The following LDB2 variants were observed in gnomAD, a reference collection of about 807,000 sequenced individuals.
LDB2 encodes LIM domain binding 2, also known as LIM domain-binding protein 2.
A neutral mutation model predicts 44.3 loss-of-function variants in LDB2; 12 were observed. The ratio of observed to expected loss-of-function variants is 0.27; its 90% CI spans 0.17 to 0.44. The LOEUF (loss-of-function observed/expected upper bound fraction) is 0.44. Ranked by LOEUF, LDB2 falls within the 20% of genes least tolerant of loss-of-function variation. LDB2 has a pLI of 1.00. For missense variants in LDB2, 344 were observed against 473.5 expected (o/e 0.73, Z 2.54); for synonymous variants, 164 against 174.8 (o/e 0.94, Z 0.49).
intron 2 of LDB2, among the ~76,000 whole-genome samples, chr4:16,624,633 A>G (rs1397196452): frequency 1.3e-5 from 2 of 152,136 alleles, no homozygotes; most frequent in Non-Finnish European, 2.9e-5. Flanking sequence ...TCCAAAATCA[A>G]TCATTGCTCA....
At chr4:16,578,802 T>C (rs1712976513) in intron 5 of LDB2, among the ~76,000 whole-genome samples, 1 of 152,162 alleles carries the variant, frequency 6.6e-6, no homozygotes, top group African/African-American at 2.4e-5. Flanking sequence ...AACTTAACTG[T>C]CAACAGACAA....
At chr4:16,773,834 G>A (rs550586199) in intron 1 of LDB2, among the ~76,000 whole-genome samples, 5 of 151,758 alleles carry the variant, frequency 3.3e-5, no homozygotes, top group South Asian at 4.2e-4. Flanking sequence ...TCCTGGACGC[G>A]AGGGATTCTC....
chr4:16,816,035 C>T (rs1267480402), intron 1 of LDB2, among the ~76,000 whole-genome samples: 1 of 152,110 alleles, frequency 6.6e-6, no homozygotes, highest in Non-Finnish European at 1.5e-5. Flanking sequence ...TGGTGAAACC[C>T]TGTCTCTATT....
chr4:16,676,459 G>A (rs1035666779), intron 2 of LDB2, among the ~76,000 whole-genome samples: 12 of 152,286 alleles, frequency 7.9e-5, no homozygotes, highest in Admixed American at 5.9e-4. Flanking sequence ...ACACCCTGGG[G>A]ATCTGGCCTG....
At chr4:16,705,589 C>T (rs1754426658) in intron 2 of LDB2, among the ~76,000 whole-genome samples, 1 of 152,186 alleles carries the variant, frequency 6.6e-6, no homozygotes, top group African/African-American at 2.4e-5. Flanking sequence ...CTGCCCTAGC[C>T]TACCACAGTC....
chr4:16,843,523 G>C (rs1232218906), intron 1 of LDB2, among the ~76,000 whole-genome samples: 3 of 152,142 alleles, frequency 2.0e-5, no homozygotes, highest in Non-Finnish European at 2.9e-5. Flanking sequence ...TAAAATATGA[G>C]ATATTTTAAA....
At chr4:16,805,955 C>T (rs1491002731) in intron 1 of LDB2, among the ~76,000 whole-genome samples, 5 of 152,148 alleles carry the variant, frequency 3.3e-5, no homozygotes, top group Non-Finnish European at 5.9e-5. Flanking sequence ...GTCACAGCCT[C>T]CATGAAGCTG....
chr4:16,542,046 GACGTGCA>G (rs1240613421), intron 5 of LDB2, among the ~76,000 whole-genome samples: 1 of 138,324 alleles, frequency 7.2e-6, no homozygotes, highest in African/African-American at 2.7e-5. Flanking sequence ...GCTCCTCACT[GACGTGCA>G]CATAACAGCA....
intron 1 of LDB2, among the ~76,000 whole-genome samples, chr4:16,802,767 A>C (rs778925555): frequency 2.6e-5 from 4 of 152,198 alleles, no homozygotes; most frequent in Non-Finnish European, 5.9e-5. Context: ...GGCCAATGGA[A>C]CTGAGGCAGG....
At chr4:16,788,425 G>T (rs1400759241) in intron 1 of LDB2, among the ~76,000 whole-genome samples, 1 of 152,228 alleles carries the variant, frequency 6.6e-6, no homozygotes, top group Non-Finnish European at 1.5e-5. Flanking sequence ...TACTTGCTAT[G>T]CTGATTCTTC....
intron 5 of LDB2, among the ~76,000 whole-genome samples, chr4:16,583,576 A>G (rs12502453): frequency 0.32 from 48,247 of 152,156 alleles, 9,458 homozygotes; most frequent in Middle Eastern, 0.58. Context: ...AAATTAGATG[A>G]TAAGGCTACT....
intron 1 of LDB2, among the ~76,000 whole-genome samples, chr4:16,875,922 G>A (rs1561511405): frequency 6.6e-6 from 1 of 152,164 alleles, no homozygotes; most frequent in Non-Finnish European, 1.5e-5. Context: ...TAGAACCCTG[G>A]ATAGCAGGCA....
chr4:16,719,959 G>C (rs1266645464), intron 2 of LDB2, among the ~76,000 whole-genome samples: 2 of 152,108 alleles, frequency 1.3e-5, no homozygotes, highest in Non-Finnish European at 2.9e-5. Flanking sequence ...ACAGATTCTA[G>C]AGATTATTTT....
intron 2 of LDB2, among the ~76,000 whole-genome samples, chr4:16,740,397 A>G (rs571421988): frequency 6.6e-5 from 10 of 152,372 alleles, no homozygotes; most frequent in African/African-American, 2.4e-4. Flanking sequence ...ATCACGATGC[A>G]TCCTCTGTAA....
chr4:16,648,494 C>T (rs1737391230), intron 2 of LDB2, among the ~76,000 whole-genome samples: 1 of 152,180 alleles, frequency 6.6e-6, no homozygotes, highest in South Asian at 2.1e-4. Context: ...ACCTTCTTGC[C>T]AACTGGCACC....
chr4:16,898,420 T>A lies in LDB2; in HGVS notation c.66A>T (p.Thr22=), dbSNP rs1314263505. The A allele has an allele frequency of 6.2e-7, 1 of 1,613,722 alleles. No homozygotes were observed. Among genetic ancestry groups the A allele is most frequent in the Admixed American group, 1.7e-5 (1 of 60,010 alleles). Residue 22 remains threonine, a synonymous_variant, in exon 1 of 8, where the codon ACA becomes ACT. Transcript: ENST00000304523. ...SPFGPFYRRH[T]PYMVQPEYRI... ...GGTACTCTGGCTGTACCATGTATGG[T>A]GTATGCCTCCTATAAAATGGGCCGA... is the stretch of plus-strand genomic sequence containing the variant.
intron 1 of LDB2, among the ~76,000 whole-genome samples, chr4:16,865,774 G>A (rs971736832): frequency 6.6e-6 from 1 of 152,170 alleles, no homozygotes; most frequent in Non-Finnish European, 1.5e-5. Flanking sequence ...ATTCATCTGA[G>A]AGAGCTCAGG....
intron 2 of LDB2, among the ~76,000 whole-genome samples, chr4:16,752,201 A>G (rs1765618170): frequency 6.6e-6 from 1 of 152,226 alleles, no homozygotes; most frequent in African/African-American, 2.4e-5. Context: ...TTTGAATGCA[A>G]TCAAAATCAA....
Position 16,512,051 on chromosome 4 carries a change from G to T in LDB2, c.669C>A (p.Tyr223Ter). Residue 223 changes from tyrosine to a stop codon, truncating the protein, a stop_gained, in exon 6 of 8, where the codon TAC becomes TAA. Transcript: ENST00000304523. LOFTEE classifies it high-confidence loss of function. The part of the protein sequence containing the change: ...MQELMSRHKT[Y>*]NLSPRDCLKT... ...TCAGGCAGTCTCGGGGACTGAGGTT[G>T]TAAGTTTTATGTCTCGACATCAGTT... 1 of 1,613,742 alleles carries T rather than the reference G, an allele frequency of 6.2e-7. No individual in the cohort carries two copies. Among genetic ancestry groups the T allele is most frequent in the Non-Finnish European group, 8.5e-7 (1 of 1,179,788 alleles).
Sources: gnomAD v4.1 joint callset for allele counts (sites outside exome capture counted in the v4.1 genomes callset) on GRCh38, gnomAD v4.1.1 for gene constraint, MANE v1.5 for transcripts, NCBI Gene and HGNC (gene_info 2026-07-23, HGNC 2026-07-21) for gene names.